Variants in IQGAP1 observed in about 807,000 individuals in gnomAD.
IQGAP1 encodes the protein ras GTPase-activating-like protein IQGAP1.
Under a neutral mutation model 215.6 loss-of-function variants are expected in IQGAP1, and 66 were observed. The ratio of observed to expected loss-of-function variants is 0.31; its 90% CI spans 0.25 to 0.38. The LOEUF (loss-of-function observed/expected upper bound fraction) is 0.38, where lower values mean the gene tolerates loss of function less well. Among genes scored for constraint, IQGAP1 ranks in the 10% least tolerant of loss-of-function variants. IQGAP1 has a pLI of 1.00. For synonymous variants in IQGAP1, 772 were observed against 728.7 expected (o/e 1.06, Z -0.96); for missense variants, 1,712 against 1,997.1 (o/e 0.86, Z 2.72).
intron 2 of IQGAP1, among the ~76,000 whole-genome samples, chr15:90,392,748 CTTTTTT>C (rs10701656): frequency 8.5e-6 from 1 of 117,826 alleles, no homozygotes; most frequent in Non-Finnish European, 1.6e-5. Context: ...ATGTTTCTAT[CTTTTTT>C]TTTTTTTTTT....
intron 5 of IQGAP1, among the ~76,000 whole-genome samples, chr15:90,435,761 A>AG (rs1409012660): frequency 6.6e-6 from 1 of 152,154 alleles, no homozygotes; most frequent in Non-Finnish European, 1.5e-5. Flanking sequence ...TGAGAAAGAG[A>AG]GGAAGTCTGC....
intron 2 of IQGAP1, among the ~76,000 whole-genome samples, chr15:90,397,374 C>G (rs576807504): frequency 6.6e-6 from 1 of 152,038 alleles, no homozygotes; most frequent in East Asian, 1.9e-4. Flanking sequence ...AGTTCTGATT[C>G]TGGTTTTGCA....
intron 36 of IQGAP1, among the ~76,000 whole-genome samples, chr15:90,495,058 C>CT (rs1425351251): frequency 6.6e-6 from 1 of 152,162 alleles, no homozygotes. Flanking sequence ...GTCATGTTCA[C>CT]TTATTTGGGT....
At chr15:90,462,440 T>C (rs558211504) in intron 15 of IQGAP1, among the ~76,000 whole-genome samples, 5 of 152,310 alleles carry the variant, frequency 3.3e-5, no homozygotes, top group Non-Finnish European at 2.9e-5. Flanking sequence ...TCCATCCTGA[T>C]TGGTCAGTGC....
rs573373796 is a variant in IQGAP1, at chr15:90,459,357, G to A, written c.1776+3042G>A. On this transcript the variant is annotated intron_variant, in intron 15 of 37. Transcript: ENST00000268182. ...GTAAGACAAACATTTTAAAAGATGAGTTTATGTTACAATTACTTTAACAAC... is the reference window on the plus strand; with the variant it reads ...GTAAGACAAACATTTTAAAAGATGAATTTATGTTACAATTACTTTAACAAC... Among the ~76,000 whole-genome samples, 6 of 152,282 alleles carry A rather than the reference G, an allele frequency of 3.9e-5. No individual in the cohort carries two copies. In the South Asian group the frequency reaches 1.2e-3, roughly 32 times the overall value.
At chr15:90,490,832 G>A (rs993120956) in intron 33 of IQGAP1, among the ~76,000 whole-genome samples, 1 of 151,986 alleles carries the variant, frequency 6.6e-6, no homozygotes, top group Admixed American at 6.5e-5. Flanking sequence ...TTTTTGAGAC[G>A]GAGTCTCGCT....
At chr15:90,443,258 C>T (rs751715722) in intron 8 of IQGAP1, 136 bp from the exon 9 acceptor site, 2 of 538,752 alleles carry the variant, frequency 3.7e-6, no homozygotes, top group African/African-American at 1.9e-5. Flanking sequence ...ACTGTGCCTG[C>T]TTTGTTCTTT....
In IQGAP1 at chr15:90,449,736, C is replaced by G. The variant is rs902725117; in HGVS notation, c.1162+93C>G. 53 of 1,025,504 alleles carry G rather than the reference C, an allele frequency of 5.2e-5. No homozygotes were observed. The Admixed American group carries it at 6.1e-4, about 12-fold the overall frequency. The allele number at this position is 1,025,504 out of a possible 1,614,324, so 63.5% of individuals were successfully genotyped here. ...GCTTCTGTCATCGTCATCACCCACTCTGAGCCTACTAGCCATAACCAACTG... is the reference window on the plus strand; with the variant it reads ...GCTTCTGTCATCGTCATCACCCACTGTGAGCCTACTAGCCATAACCAACTG... On this transcript the variant is annotated intron_variant, in intron 11 of 37. Coordinates refer to ENST00000268182, the MANE Select transcript of IQGAP1 (RefSeq NM_003870.4).
intron 32 of IQGAP1, 42 bp from the exon 33 acceptor site, chr15:90,487,453 G>A (rs2151037514): frequency 7.0e-7 from 1 of 1,424,592 alleles, no homozygotes; most frequent in East Asian, 2.3e-5. Context: ...AGAGGAACTA[G>A]AACACTGGTA....
chr15:90,473,458 A>C (rs1747498452), intron 19 of IQGAP1: 2 of 463,618 alleles, frequency 4.3e-6, no homozygotes, highest in Non-Finnish European at 7.9e-6. Flanking sequence ...GTAAGAAGCC[A>C]GTAAATGAAT....
intron 36 of IQGAP1, among the ~76,000 whole-genome samples, chr15:90,496,306 C>CTTTTTTTTTTTTTTTTTTTTTTTT (rs552222380): frequency 1.8e-4 from 19 of 106,120 alleles, no homozygotes; most frequent in African/African-American, 6.6e-4. Context: ...AGCATAATCC[C>CTTTTTTTTTTTTTTTTTTTTTTTT]TTTTTTTTTT....
At chr15:90,472,470 G>A (rs1238066103) in intron 18 of IQGAP1, among the ~76,000 whole-genome samples, 1 of 152,088 alleles carries the variant, frequency 6.6e-6, no homozygotes, top group Non-Finnish European at 1.5e-5. Flanking sequence ...CATTCTAGGG[G>A]TCCCTCGGTA....
intron 22 of IQGAP1, 133 bp from the exon 23 acceptor site, chr15:90,474,352 G>C (rs1965948769): frequency 2.5e-6 from 2 of 812,930 alleles, no homozygotes; most frequent in East Asian, 5.0e-5. Flanking sequence ...ACAGAAGACT[G>C]CACCTGATAG....
chr15:90,458,428 TG>T (rs1455137422), intron 15 of IQGAP1, among the ~76,000 whole-genome samples: 1 of 152,214 alleles, frequency 6.6e-6, no homozygotes, highest in Non-Finnish European at 1.5e-5. Flanking sequence ...TTTTTAGATA[TG>T]GAAGCCGACC....
chr15:90,439,309 C>G (rs1449997235), intron 5 of IQGAP1, 23 bp from the exon 6 acceptor site: 1 of 1,606,906 alleles, frequency 6.2e-7, no homozygotes, highest in South Asian at 1.1e-5. Context: ...GAGGCCTAAC[C>G]TTTTGCATAT....
intron 6 of IQGAP1, among the ~76,000 whole-genome samples, chr15:90,439,691 C>T (rs4932342): frequency 0.58 from 88,648 of 152,036 alleles, 27,877 homozygotes; most frequent in East Asian, 0.83. Flanking sequence ...ACACATAACA[C>T]TAAATGTTCG....
chr15:90,442,661 G>A (rs1046498219), intron 8 of IQGAP1, among the ~76,000 whole-genome samples: 1 of 152,040 alleles, frequency 6.6e-6, no homozygotes, highest in Non-Finnish European at 1.5e-5. Flanking sequence ...CAGGATTGTG[G>A]ATCTGTATGT....
chr15:90,491,022 G>T (rs1479404171), intron 33 of IQGAP1, among the ~76,000 whole-genome samples: 1 of 152,142 alleles, frequency 6.6e-6, no homozygotes, highest in East Asian at 1.9e-4. Flanking sequence ...TGTTAGTCAG[G>T]ATGGTCTTGA....
intron 30 of IQGAP1, among the ~76,000 whole-genome samples, chr15:90,485,011 T>G (rs187871964): frequency 1.9e-4 from 29 of 152,316 alleles, no homozygotes; most frequent in Non-Finnish European, 3.4e-4. Context: ...TTACCCTAGC[T>G]CTCTGCGTTA....
Sources: allele counts gnomAD v4.1 joint callset (sites outside exome capture counted in the v4.1 genomes callset), GRCh38; gene constraint gnomAD v4.1.1; transcripts MANE v1.5; gene names NCBI Gene and HGNC (gene_info 2026-07-23, HGNC 2026-07-21).